Variants in NTM observed in about 807,000 individuals in gnomAD.
NTM encodes the protein IgLON family member 2.
Under a neutral mutation model 42.1 loss-of-function variants are expected in NTM, and 13 were observed. The ratio of observed to expected loss-of-function variants is 0.31; its 90% CI spans 0.20 to 0.49. The LOEUF (loss-of-function observed/expected upper bound fraction) is 0.49. Among genes scored for constraint, NTM ranks in the 20% least tolerant of loss-of-function variants. The pLI, the probability that NTM is intolerant of heterozygous loss-of-function variation, is 0.99. For synonymous variants in NTM, 187 were observed against 179.2 expected, an observed-to-expected ratio of 1.04 and a Z score of -0.35; for missense variants, 373 against 452.8, an observed-to-expected ratio of 0.82 and a Z score of 1.60.
At position 131,821,025 on chromosome 11, in the gene NTM, GT is replaced by G. The variant is rs34815584; in HGVS notation, c.83-90526del. 3.2e-3 allele frequency among the ~76,000 whole-genome samples: 463 copies of G among 146,434 alleles called. 1 individual carries two copies. Among genetic ancestry groups the G allele is most frequent in the Middle Eastern group, 0.011 (3 of 282 alleles). ...AGTAACACCAAGATGCCTCCAAAGG[GT>G]TTTTTTTTTTTTCTAATTATGTAAT... is the stretch of plus-strand genomic sequence containing the variant. On this transcript the variant is annotated intron_variant, in intron 1 of 8. Coordinates refer to ENST00000683400, the MANE Select transcript of NTM (RefSeq NM_001352005.2).
intron 3 of NTM, among the ~76,000 whole-genome samples, chr11:132,198,042 T>C (rs948852427): frequency 1.3e-5 from 2 of 152,152 alleles, no homozygotes; most frequent in Non-Finnish European, 2.9e-5. Flanking sequence ...TCAAATGATA[T>C]TTCTAGTTCT....
chr11:131,921,585 C>T (rs7105351), intron 2 of NTM, among the ~76,000 whole-genome samples: 2 of 151,906 alleles, frequency 1.3e-5, no homozygotes, highest in Non-Finnish European at 2.9e-5. Context: ...GATACTGGAA[C>T]ATTTGCATAT....
chr11:131,950,732 C>T (rs765713106), intron 2 of NTM, among the ~76,000 whole-genome samples: 2 of 152,106 alleles, frequency 1.3e-5, no homozygotes, highest in African/African-American at 2.4e-5. Flanking sequence ...ATACATGCTC[C>T]GTAACTATAG....
chr11:132,279,407 C>A (rs557771581), intron 4 of NTM, among the ~76,000 whole-genome samples: 1 of 152,154 alleles, frequency 6.6e-6, no homozygotes, highest in Non-Finnish European at 1.5e-5. Context: ...ATGTGACTCT[C>A]GCTCCAATCT....
chr11:131,950,225 G>A (rs925719802), intron 2 of NTM, among the ~76,000 whole-genome samples: 4 of 152,152 alleles, frequency 2.6e-5, no homozygotes, highest in Admixed American at 2.6e-4. Flanking sequence ...TGTATGGCAG[G>A]TGACCCAGAA....
At chr11:131,974,024 G>A (rs977183377) in intron 2 of NTM, among the ~76,000 whole-genome samples, 2 of 151,990 alleles carry the variant, frequency 1.3e-5, no homozygotes, top group Admixed American at 6.6e-5. Flanking sequence ...CACTTCATGA[G>A]TAGTACATAT....
chr11:131,971,845 C>T (rs1303890978), intron 2 of NTM, among the ~76,000 whole-genome samples: 3 of 151,818 alleles, frequency 2.0e-5, no homozygotes, highest in Admixed American at 6.6e-5. Context: ...GAGATCAAGA[C>T]CATCCTCGCT....
chr11:131,942,047 T>G (rs559677204), intron 2 of NTM, among the ~76,000 whole-genome samples: 38 of 152,294 alleles, frequency 2.5e-4, no homozygotes, highest in Non-Finnish European at 4.9e-4. Flanking sequence ...ATGCCAGAGT[T>G]TTGTTAGGTG....
chr11:132,183,050 TCA>T (rs1475400021), intron 3 of NTM, among the ~76,000 whole-genome samples: 1 of 152,200 alleles, frequency 6.6e-6, no homozygotes, highest in Non-Finnish European at 1.5e-5. Context: ...TATTTGCATC[TCA>T]CACGGTGCTG....
At chr11:131,691,477 C>T (rs1436432342) in intron 1 of NTM, among the ~76,000 whole-genome samples, 3 of 152,042 alleles carry the variant, frequency 2.0e-5, no homozygotes, top group African/African-American at 7.2e-5. Flanking sequence ...CAGGCGTGGA[C>T]CCCACACCAC....
At chr11:131,955,758 G>T (rs570119199) in intron 2 of NTM, among the ~76,000 whole-genome samples, 2 of 142,146 alleles carry the variant, frequency 1.4e-5, no homozygotes, top group Non-Finnish European at 3.1e-5. Context: ...TTTTGTGCCA[G>T]TGCCCCCACC....
At chr11:131,558,900 C>A (rs2055829084) in intron 1 of NTM, among the ~76,000 whole-genome samples, 1 of 152,036 alleles carries the variant, frequency 6.6e-6, no homozygotes, top group African/African-American at 2.4e-5. Flanking sequence ...CAGAGTGTGA[C>A]TCACGCTGAT....
intron 2 of NTM, among the ~76,000 whole-genome samples, chr11:132,109,243 T>C (rs1189319737): frequency 6.6e-6 from 1 of 152,214 alleles, no homozygotes; most frequent in East Asian, 1.9e-4. Context: ...GGTCAAATGG[T>C]ATTTCTAGTT....
intron 1 of NTM, among the ~76,000 whole-genome samples, chr11:131,705,699 C>T (rs1354544181): frequency 1.3e-5 from 2 of 151,938 alleles, no homozygotes; most frequent in African/African-American, 4.8e-5. Context: ...ACATCAATAA[C>T]ATATAATGTG....
At chr11:132,236,049 A>G (rs1157573202) in intron 4 of NTM, among the ~76,000 whole-genome samples, 2 of 151,788 alleles carry the variant, frequency 1.3e-5, no homozygotes, top group Non-Finnish European at 2.9e-5. Context: ...CGCTTAATTC[A>G]TGATAGTTTG....
chr11:131,447,976 C>A (rs1257361788), intron 1 of NTM, among the ~76,000 whole-genome samples: 1 of 152,208 alleles, frequency 6.6e-6, no homozygotes, highest in Admixed American at 6.5e-5. Context: ...TTCTGGTGAA[C>A]GCTGGAAAGC....
chr11:131,654,601 G>A (rs2066939489), intron 1 of NTM, among the ~76,000 whole-genome samples: 1 of 152,182 alleles, frequency 6.6e-6, no homozygotes. Flanking sequence ...AGGCCTGGTG[G>A]GAGGTGTTGG....
In NTM at chr11:131,965,357, T is replaced by C. The variant is rs1346626876; in HGVS notation, c.167+53709T>C. ...CCTGGAAAGCAGACAAGGAAATAAC[T>C]TATAGAGTGAGGCAGAATAAAATAA... On this transcript the variant is annotated intron_variant, in intron 2 of 8. Transcript: ENST00000683400. 2.0e-5 allele frequency among the ~76,000 whole-genome samples: 3 copies of C among 151,958 alleles called. No individual in the cohort carries two copies. In the East Asian group the frequency reaches 5.8e-4, roughly 29 times the overall value.
At chr11:132,054,645 T>C (rs1183833449) in intron 2 of NTM, among the ~76,000 whole-genome samples, 2 of 152,202 alleles carry the variant, frequency 1.3e-5, no homozygotes, top group Non-Finnish European at 2.9e-5. Flanking sequence ...GTATTCCATA[T>C]TGTAAATATA....
Sources: gnomAD v4.1 joint callset for allele counts (sites outside exome capture counted in the v4.1 genomes callset) on GRCh38, gnomAD v4.1.1 for gene constraint, MANE v1.5 for transcripts, NCBI Gene and HGNC (gene_info 2026-07-23, HGNC 2026-07-21) for gene names.